SORCS3: variants seen among roughly 807,000 people sequenced by gnomAD.
SORCS3 encodes VPS10 domain-containing receptor SorCS3.
SORCS3 carries 57 observed loss-of-function variants against 146.3 expected under a neutral mutation model. The ratio of observed to expected loss-of-function variants is 0.39; its 90% CI spans 0.31 to 0.49. The LOEUF (loss-of-function observed/expected upper bound fraction) is 0.49. Among genes scored for constraint, SORCS3 ranks in the 20% least tolerant of loss-of-function variants. The probability of loss-of-function intolerance (pLI) is 0.92; values close to 1 mark genes in which losing one functional copy is unlikely to be tolerated. For synonymous variants in SORCS3, 653 were observed against 618.5 expected, an observed-to-expected ratio of 1.06 and a Z score of -0.83; for missense variants, 1,341 against 1,575.5, an observed-to-expected ratio of 0.85 and a Z score of 2.52.
At chr10:105,220,852 G>A (rs1438304056) in intron 19 of SORCS3, among the ~76,000 whole-genome samples, 3 of 150,006 alleles carry the variant, frequency 2.0e-5, no homozygotes, top group Non-Finnish European at 4.5e-5. Flanking sequence ...CCCACATCTA[G>A]TGCCTTTTTA....
intron 4 of SORCS3, among the ~76,000 whole-genome samples, chr10:105,011,125 C>A (rs1443719956): frequency 6.6e-6 from 1 of 152,130 alleles, no homozygotes; most frequent in Non-Finnish European, 1.5e-5. Context: ...GATAGGAAAC[C>A]AGGCTAAAAA....
intron 3 of SORCS3, 73 bp from the exon 4 acceptor site, chr10:104,977,260 ATT>A: frequency 4.0e-6 from 5 of 1,262,744 alleles, no homozygotes; most frequent in Non-Finnish European, 5.4e-6. Flanking sequence ...CAGATGACTT[ATT>A]TATGATTAAA....
At chr10:104,721,740 T>C (rs549968782) in intron 1 of SORCS3, among the ~76,000 whole-genome samples, 6 of 152,096 alleles carry the variant, frequency 3.9e-5, no homozygotes, top group Admixed American at 1.3e-4. Flanking sequence ...TTTGAAGCAA[T>C]TGTGAATGGG....
chr10:105,261,529 C>T (rs1441011586), intron 25 of SORCS3, among the ~76,000 whole-genome samples: 2 of 152,268 alleles, frequency 1.3e-5, no homozygotes, highest in African/African-American at 4.8e-5. Flanking sequence ...ATGCTTAAGC[C>T]TGTTAATGTT....
chr10:104,673,525 G>A (rs866215281), intron 1 of SORCS3, among the ~76,000 whole-genome samples: 15 of 152,026 alleles, frequency 9.9e-5, no homozygotes, highest in Middle Eastern at 3.4e-3. Flanking sequence ...GTGCAGTGGT[G>A]TGATCATAGC....
chr10:104,647,313 G>A (rs1480571955), intron 1 of SORCS3, among the ~76,000 whole-genome samples: 1 of 152,048 alleles, frequency 6.6e-6, no homozygotes, highest in Non-Finnish European at 1.5e-5. Context: ...TTCCACTTGG[G>A]GTACCCTTCT....
chr10:104,916,378 A>C, intron 3 of SORCS3, among the ~76,000 whole-genome samples: 1 of 151,862 alleles, frequency 6.6e-6, no homozygotes, highest in East Asian at 1.9e-4. Flanking sequence ...AGAACCCCTT[A>C]CTCCAAGGGA....
At chr10:105,263,107 G>T (rs1194357951) in intron 26 of SORCS3, among the ~76,000 whole-genome samples, 3 of 152,232 alleles carry the variant, frequency 2.0e-5, no homozygotes, top group African/African-American at 7.2e-5. Flanking sequence ...GATCCCACCT[G>T]TGGGCTAGTG....
At chr10:105,217,373 A>C (rs1004189300) in intron 19 of SORCS3, among the ~76,000 whole-genome samples, 7 of 152,194 alleles carry the variant, frequency 4.6e-5, no homozygotes, top group African/African-American at 1.7e-4. Flanking sequence ...CTCTGATATA[A>C]ATGTGTGCGT....
At chr10:105,130,121 A>G (rs1456509907) in intron 7 of SORCS3, among the ~76,000 whole-genome samples, 2 of 151,912 alleles carry the variant, frequency 1.3e-5, no homozygotes, top group African/African-American at 2.4e-5. Context: ...ATTGAATTAT[A>G]TTTGATCCTC....
intron 3 of SORCS3, among the ~76,000 whole-genome samples, chr10:104,973,870 C>T (rs7907162): frequency 0.49 from 72,252 of 147,726 alleles, 21,472 homozygotes; most frequent in African/African-American, 0.85. Context: ...GCTTTGAATG[C>T]GTCCCAGAGA....
At chr10:104,933,873 C>T (rs1394508673) in intron 3 of SORCS3, among the ~76,000 whole-genome samples, 1 of 152,166 alleles carries the variant, frequency 6.6e-6, no homozygotes, top group Admixed American at 6.5e-5. Flanking sequence ...TGGCTCACTG[C>T]AACCTCCACA....
chr10:104,696,503 A>AATATAGAATATATAATATATAAT (rs2016202949), intron 1 of SORCS3, among the ~76,000 whole-genome samples: 1 of 61,868 alleles, frequency 1.6e-5, no homozygotes, highest in African/African-American at 6.0e-5. Context: ...TAATATATAT[A>AATATAGAATATATAATATATAAT]ATATATAATA....
At chr10:105,012,896 A>C (rs1564734680) in intron 4 of SORCS3, among the ~76,000 whole-genome samples, 1 of 151,498 alleles carries the variant, frequency 6.6e-6, no homozygotes, top group Non-Finnish European at 1.5e-5. Flanking sequence ...ATTCATGGTC[A>C]TATCATTACT....
rs992930895 is a variant in SORCS3 at position 104,977,470 on chromosome 10, C to G, written c.931C>G (p.Leu311Val). Residue 311 changes from leucine (L) to valine (V), a missense_variant, in exon 4 of 27, where the codon CTG (leucine) becomes GTG (valine). Leu to Val is a conservative substitution (Grantham distance 32). Transcript: ENST00000369701. ...LFHPKQEDWV[L>V]AYSLDQKLYS... ...TCATCCCAAGCAAGAGGACTGGGTG[C>G]TGGCCTACAGTTTGGATCAAAAGGT... 15 of 1,611,544 alleles carry G rather than the reference C, an allele frequency of 9.3e-6. No homozygotes were observed. The highest frequency in any genetic ancestry group is 1.7e-5 in the Admixed American group (1 of 59,796).
At chr10:104,647,687 G>A (rs2015511126) in intron 1 of SORCS3, among the ~76,000 whole-genome samples, 1 of 152,148 alleles carries the variant, frequency 6.6e-6, no homozygotes, top group Non-Finnish European at 1.5e-5. Context: ...CAGGGTAAGA[G>A]GAGAGGAAAG....
At position 105,174,698 on chromosome 10, in the gene SORCS3, T is replaced by C. The variant is rs73350902; in HGVS notation, c.1902-3368T>C. On this transcript the variant is annotated intron_variant, in intron 13 of 26. Transcript: ENST00000369701. ...CAGTTATTGTCTATGCTACCTTTTC[T>C]ACCTGGACGTTGTTGTTTATCATCC... is the stretch of plus-strand genomic sequence containing the variant. 4.9e-3 allele frequency among the ~76,000 whole-genome samples: 744 copies of C among 152,286 alleles called. 5 individuals are homozygous for C. Among genetic ancestry groups the C allele is most frequent in the African/African-American group, 0.017 (722 of 41,570 alleles).
At chr10:105,047,856 A>G (rs2055384609) in intron 5 of SORCS3, among the ~76,000 whole-genome samples, 1 of 152,098 alleles carries the variant, frequency 6.6e-6, no homozygotes, top group Admixed American at 6.6e-5. Flanking sequence ...AAGAATGGAA[A>G]AACAAAGTGT....
chr10:104,786,158 C>A lies in SORCS3; in HGVS notation c.628-56634C>A, dbSNP rs575124082. On this transcript the variant is annotated intron_variant, in intron 1 of 26. Coordinates refer to ENST00000369701, the MANE Select transcript of SORCS3 (RefSeq NM_014978.3). ...CATTCATTCATTCATTTATTTAGCGCTTATTTAGTTTCTATATGTCAAGTT... is the reference window on the plus strand; with the variant it reads ...CATTCATTCATTCATTTATTTAGCGATTATTTAGTTTCTATATGTCAAGTT... 4.0e-5 allele frequency among the ~76,000 whole-genome samples: 6 copies of A among 151,644 alleles called. No homozygotes were observed. The South Asian group carries it at 1.2e-3, about 32-fold the overall frequency.
Sources: allele counts gnomAD v4.1 joint callset (sites outside exome capture counted in the v4.1 genomes callset), GRCh38; gene constraint gnomAD v4.1.1; transcripts MANE v1.5; gene names NCBI Gene and HGNC (gene_info 2026-07-23, HGNC 2026-07-21).